Variants in MYO16 observed in about 807,000 individuals in gnomAD.
MYO16 encodes unconventional myosin-XVI.
MYO16 carries 94 observed loss-of-function variants against 205.3 expected under a neutral mutation model. The ratio of observed to expected loss-of-function variants is 0.46; its 90% CI spans 0.39 to 0.54. The LOEUF (loss-of-function observed/expected upper bound fraction) is 0.54, where lower values mean the gene tolerates loss of function less well. Ranked by LOEUF, MYO16 falls within the 20% of genes least tolerant of loss-of-function variation. The probability of loss-of-function intolerance (pLI) is 0.00; values close to 1 mark genes in which losing one functional copy is unlikely to be tolerated. For synonymous variants in MYO16, 988 were observed against 954.0 expected, an observed-to-expected ratio of 1.04 and a Z score of -0.66; for missense variants, 2,315 against 2,387.5, an observed-to-expected ratio of 0.97 and a Z score of 0.63.
chr13:109,074,985 G>C (rs551877028), intron 27 of MYO16, among the ~76,000 whole-genome samples: 2 of 152,076 alleles, frequency 1.3e-5, no homozygotes, highest in Non-Finnish European at 2.9e-5. Flanking sequence ...TTACTCTTGC[G>C]TCTGGTTTCC....
At chr13:108,521,798 CAG>C in the MYO16 span, among the ~76,000 whole-genome samples, 2 of 152,082 alleles carry the variant, frequency 1.3e-5, no homozygotes, top group Admixed American at 6.5e-5. Flanking sequence ...AAAAAAATAA[CAG>C]AAGAAATGGA....
intron 34 of MYO16, among the ~76,000 whole-genome samples, chr13:109,190,210 AG>A (rs1416065014): frequency 6.6e-6 from 1 of 152,140 alleles, no homozygotes; most frequent in African/African-American, 2.4e-5. Flanking sequence ...TGTAAAGTTT[AG>A]GTTTGTTTTT....
rs529502152 is a variant in MYO16, at chr13:109,085,686, G to C, written c.3336-15099G>C. The stretch of plus-strand genomic sequence containing the variant: ...AATGTGTTTGTGATCGCTAAAGAAA[G>C]ACATGCTGGGAGAGCCAAGAAGCAG... On this transcript the variant is annotated intron_variant, in intron 27 of 34. Coordinates refer to ENST00000457511, the MANE Select transcript of MYO16 (RefSeq NM_001198950.3). Among the ~76,000 whole-genome samples, 4 of 152,320 alleles carry C rather than the reference G, an allele frequency of 2.6e-5. No individual in the cohort carries two copies. The East Asian group carries it at 7.7e-4, about 29-fold the overall frequency.
chr13:109,024,051 A>T (rs1260212249), intron 23 of MYO16, among the ~76,000 whole-genome samples: 2 of 145,244 alleles, frequency 1.4e-5, no homozygotes, highest in African/African-American at 2.5e-5. Context: ...TTTATATATA[A>T]ATTCTCATAT....
chr13:108,963,787 C>G (rs1415805990), intron 19 of MYO16, among the ~76,000 whole-genome samples: 1 of 152,096 alleles, frequency 6.6e-6, no homozygotes, highest in Non-Finnish European at 1.5e-5. Flanking sequence ...ATGATTTCCT[C>G]TGCTTACACC....
chr13:108,499,579 C>A, the MYO16 span, among the ~76,000 whole-genome samples: 5 of 152,306 alleles, frequency 3.3e-5, no homozygotes. Context: ...CAAAGATTTT[C>A]TTACTTGGTT....
chr13:108,595,078 A>G (rs1878507668), upstream of MYO16, among the ~76,000 whole-genome samples: 1 of 152,216 alleles, frequency 6.6e-6, no homozygotes, highest in Admixed American at 6.5e-5. Context: ...TACATACTGC[A>G]TGGGTATTTT....
At chr13:108,500,212 TTTTTTTTTGTTTTTTTTTTGTTTTTTTTG>T in the MYO16 span, among the ~76,000 whole-genome samples, 2,819 of 11,880 alleles carry the variant, frequency 0.24, 370 homozygotes, top group South Asian at 0.47. Flanking sequence ...TCCTGTTTTT[TTTTTTTTTGTTTTTTTTTTGTTTTTTTTG>T]TTTTTTTTTT....
Position 109,162,464 on chromosome 13 carries a change from T to C in MYO16, c.5165-2437T>C, listed in dbSNP as rs1432600434. Among the ~76,000 whole-genome samples the C allele has an allele frequency of 6.6e-6, 1 of 152,196 alleles. No individual in the cohort carries two copies. The highest frequency in any genetic ancestry group is 2.4e-5 in the African/African-American group (1 of 41,456). On this transcript the variant is annotated intron_variant, in intron 32 of 34. Coordinates refer to ENST00000457511, the MANE Select transcript of MYO16 (RefSeq NM_001198950.3). This position sits in a 1 kb window ranked among gnomAD's most constrained non-coding sequence, Gnocchi z 4.6. ...TTTCCTGCTTTGGGGTATTTACACA[T>C]GGTGTGGAGGTTGCCTTTCTAAAAT...
chr13:109,166,981 A>C (rs1878694987), intron 33 of MYO16: 1 of 152,188 alleles, frequency 6.6e-6, no homozygotes, highest in Admixed American at 6.5e-5. Context: ...TCATCTTGAG[A>C]CTTGAGTGAA....
At chr13:109,106,690 C>A (rs572220426) in intron 28 of MYO16, among the ~76,000 whole-genome samples, 1 of 152,218 alleles carries the variant, frequency 6.6e-6, no homozygotes, top group East Asian at 1.9e-4. Flanking sequence ...CCATGTGATA[C>A]CAGGGGTGCT....
chr13:108,591,427 T>C (rs902369408), upstream of MYO16, among the ~76,000 whole-genome samples: 123 of 140,844 alleles, frequency 8.7e-4, 1 homozygote, highest in African/African-American at 3.1e-3. Context: ...AAAATATTAA[T>C]TCACTTGCTC....
intron 23 of MYO16, among the ~76,000 whole-genome samples, chr13:109,036,229 T>C (rs932878028): frequency 2.0e-5 from 3 of 152,190 alleles, no homozygotes; most frequent in Non-Finnish European, 2.9e-5. Flanking sequence ...TGGATAGAGC[T>C]ATTTCTGTGG....
At chr13:109,022,934 T>A (rs536290742) in intron 23 of MYO16, among the ~76,000 whole-genome samples, 1 of 134,312 alleles carries the variant, frequency 7.4e-6, no homozygotes, top group Non-Finnish European at 1.5e-5. Context: ...TATATACACA[T>A]GTAAATATAT....
chr13:108,764,272 A>G (rs1800183732), intron 4 of MYO16, among the ~76,000 whole-genome samples: 1 of 152,236 alleles, frequency 6.6e-6, no homozygotes. Context: ...TGTTGGTGCC[A>G]TAATGTGGTA....
At chr13:108,578,778 C>T in the MYO16 span, among the ~76,000 whole-genome samples, 1 of 152,084 alleles carries the variant, frequency 6.6e-6, no homozygotes, top group African/African-American at 2.4e-5. Context: ...AGGTCCTTTA[C>T]TTTCTAATTG....
intron 12 of MYO16, among the ~76,000 whole-genome samples, chr13:108,870,060 C>T (rs1038931895): frequency 6.6e-6 from 1 of 151,598 alleles, no homozygotes; most frequent in Non-Finnish European, 1.5e-5. Context: ...ATAAATTTTA[C>T]ATAGATACCA....
intron 33 of MYO16, among the ~76,000 whole-genome samples, chr13:109,176,577 T>TA (rs36054088): frequency 0.2 from 8,813 of 44,896 alleles, 1,457 homozygotes; most frequent in Non-Finnish European, 0.24. Context: ...ATTGTGCTGG[T>TA]AAAAAAAAAA....
At chr13:108,844,317 TGTA>T in intron 9 of MYO16, 23 bp from the exon 10 acceptor site, 1 of 1,592,002 alleles carries the variant, frequency 6.3e-7, no homozygotes, top group Non-Finnish European at 8.6e-7. Flanking sequence ...AGAGACTAAT[TGTA>T]GTATTGATTT....
Sources: gnomAD v4.1 joint callset for allele counts (sites outside exome capture counted in the v4.1 genomes callset) on GRCh38, gnomAD v4.1.1 for gene constraint, Gnocchi (gnomAD v3.1) non-coding constraint, MANE v1.5 for transcripts, NCBI Gene and HGNC (gene_info 2026-07-23, HGNC 2026-07-21) for gene names.